The following TSPAN18 variants were observed in gnomAD, a reference collection of about 807,000 sequenced individuals.
TSPAN18 encodes tetraspanin 18, also known as tetraspanin-18.
In TSPAN18, 14 loss-of-function variants were observed where a neutral mutation model predicts 27.3. That is an observed-to-expected ratio of 0.51 (90% CI 0.34 to 0.80). TSPAN18 has a LOEUF of 0.80. TSPAN18 is among the 30% of genes least tolerant of loss of function. TSPAN18 has a pLI of 0.01. For synonymous variants in TSPAN18, 143 were observed against 136.5 expected (o/e 1.05, Z -0.33); for missense variants, 268 against 323.9 (o/e 0.83, Z 1.32).
chr11:44,726,885 T>TGGGGAGGGGAGGGAGGGCG (rs1854516564), upstream of TSPAN18: 1 of 43,742 alleles, frequency 2.3e-5, no homozygotes, highest in East Asian at 5.5e-4. Context: ...GGCGGAGGTT[T>TGGGGAGGGGAGGGAGGGCG]GGGGAGGGGG....
rs149109785 is a variant in TSPAN18, at chr11:44,924,679, G to A, written c.616-1995G>A. On this transcript the variant is annotated intron_variant, in intron 8 of 9. Transcript: ENST00000520358. ...ACAACTCACCTCTCTTTCCTTGCTC[G>A]CAGAGCAGGTTAGTTTTTCTGCTGT... is the stretch of plus-strand genomic sequence containing the variant. 1.5e-4 allele frequency among the ~76,000 whole-genome samples: 23 copies of A among 150,282 alleles called. No individual in the cohort carries two copies. In the South Asian group the frequency reaches 1.9e-3, roughly 12 times the overall value.
intron 3 of TSPAN18, among the ~76,000 whole-genome samples, chr11:44,895,130 T>C (rs911952078): frequency 1.2e-4 from 19 of 152,180 alleles, no homozygotes; most frequent in African/African-American, 4.6e-4. Flanking sequence ...CTAGTAGTTA[T>C]TAGGCTCAGT....
At chr11:44,760,383 G>A (rs953536366) in intron 1 of TSPAN18, among the ~76,000 whole-genome samples, 16 of 152,332 alleles carry the variant, frequency 1.1e-4, no homozygotes, top group African/African-American at 3.8e-4. Context: ...GAGAGTCAAG[G>A]CTGCTTTGGG....
intron 2 of TSPAN18, among the ~76,000 whole-genome samples, chr11:44,775,918 G>A (rs1855796010): frequency 6.6e-6 from 1 of 152,204 alleles, no homozygotes; most frequent in South Asian, 2.1e-4. Flanking sequence ...TGGATTTTCT[G>A]TTTAACTGAG....
chr11:44,767,920 G>A lies in TSPAN18; in HGVS notation c.-153+3408G>A, dbSNP rs923530310. ...CATATATCAGTTGACATATATATGC[G>A]GCTCTATTTCTGGGCTTTCAATTCT... On this transcript the variant is annotated intron_variant, in intron 2 of 9. Coordinates refer to ENST00000520358, the MANE Select transcript of TSPAN18 (RefSeq NM_130783.5). Among the ~76,000 whole-genome samples, 13 of 152,110 alleles carry A rather than the reference G, an allele frequency of 8.5e-5. 1 individual carries two copies. The highest frequency in any genetic ancestry group is 2.6e-4 in the Admixed American group (4 of 15,278).
chr11:44,846,896 C>T (rs1014432318), intron 2 of TSPAN18, among the ~76,000 whole-genome samples: 1 of 152,182 alleles, frequency 6.6e-6, no homozygotes, highest in Non-Finnish European at 1.5e-5. Context: ...AAACCATCAT[C>T]TATTGAATGC....
intron 2 of TSPAN18, among the ~76,000 whole-genome samples, chr11:44,836,101 G>T (rs1466422243): frequency 6.6e-6 from 1 of 152,176 alleles, no homozygotes; most frequent in Non-Finnish European, 1.5e-5. Context: ...GTGAAAGGAG[G>T]AGTCGCATAT....
intron 2 of TSPAN18, among the ~76,000 whole-genome samples, chr11:44,830,141 A>T (rs1007063812): frequency 3.9e-5 from 6 of 152,152 alleles, no homozygotes; most frequent in African/African-American, 1.4e-4. Flanking sequence ...TCTCTTTCTT[A>T]ACTCAGGGGC....
intron 9 of TSPAN18, 48 bp downstream of exon 9, chr11:44,926,805 G>A (rs753787402): frequency 6.6e-5 from 105 of 1,589,914 alleles, no homozygotes; most frequent in Admixed American, 2.2e-4. Context: ...GAAGCCTCAC[G>A]TGGAGCCTAG....
intron 2 of TSPAN18, among the ~76,000 whole-genome samples, chr11:44,804,344 G>A (rs1288098299): frequency 6.6e-6 from 1 of 152,184 alleles, no homozygotes; most frequent in Non-Finnish European, 1.5e-5. Context: ...GCCCACCTCG[G>A]CCTCCCAAAG....
At chr11:44,908,820 A>AAAGAAAGAAAGAAAGAAAGG in intron 4 of TSPAN18, among the ~76,000 whole-genome samples, 1 of 145,366 alleles carries the variant, frequency 6.9e-6, no homozygotes, top group Non-Finnish European at 1.5e-5. Context: ...AGAAAGAAAG[A>AAAGAAAGAAAGAAAGAAAGG]AAGAAAGAAA....
chr11:44,762,037 A>G (rs898324949), intron 1 of TSPAN18, among the ~76,000 whole-genome samples: 14 of 152,330 alleles, frequency 9.2e-5, no homozygotes, highest in African/African-American at 3.1e-4. Context: ...CTGCACTGTG[A>G]GGTGACTCAA....
At chr11:44,764,815 G>A (rs985615994) in intron 2 of TSPAN18, among the ~76,000 whole-genome samples, 1 of 152,140 alleles carries the variant, frequency 6.6e-6, no homozygotes, top group Non-Finnish European at 1.5e-5. Flanking sequence ...AGGGTCATGA[G>A]GGCTCATGGA....
At position 44,781,958 on chromosome 11, in the gene TSPAN18, C is replaced by T. The variant is rs539051212; in HGVS notation, c.-153+17446C>T. On this transcript the variant is annotated intron_variant, in intron 2 of 9. Transcript: ENST00000520358. ...AATCCTACAGTAGGTACTCTCCTGT[C>T]AGTCTCCCTTCACTCAGCTTACTGT... 3.3e-5 allele frequency among the ~76,000 whole-genome samples: 5 copies of T among 152,326 alleles called. No individual in the cohort carries two copies. The East Asian group carries it at 9.6e-4, about 29-fold the overall frequency.
chr11:44,789,281 A>C (rs925431403), intron 2 of TSPAN18, among the ~76,000 whole-genome samples: 1 of 152,222 alleles, frequency 6.6e-6, no homozygotes, highest in African/African-American at 2.4e-5. Flanking sequence ...ACAGCTACCC[A>C]ACGTCAAATC....
chr11:44,919,712 C>A, intron 7 of TSPAN18, 105 bp from the exon 8 acceptor site: 2 of 1,178,974 alleles, frequency 1.7e-6, no homozygotes, highest in Non-Finnish European at 2.5e-6. Context: ...CGCCCACACC[C>A]AGTCTTCTGA....
At chr11:44,733,250 G>C (rs543415570) in intron 1 of TSPAN18, among the ~76,000 whole-genome samples, 2 of 152,210 alleles carry the variant, frequency 1.3e-5, no homozygotes, top group Non-Finnish European at 2.9e-5. Context: ...TGCATTTAAA[G>C]CTTCTAGTAT....
intron 1 of TSPAN18, among the ~76,000 whole-genome samples, chr11:44,754,152 C>A (rs1565134493): frequency 6.6e-6 from 1 of 152,162 alleles, no homozygotes; most frequent in South Asian, 2.1e-4. Context: ...TTGCCTCCTG[C>A]GGACCTTTTC....
intron 2 of TSPAN18, among the ~76,000 whole-genome samples, chr11:44,805,484 C>T (rs7120459): frequency 0.47 from 71,293 of 151,996 alleles, 17,299 homozygotes; most frequent in Non-Finnish European, 0.52. Flanking sequence ...CCAGGAAGCC[C>T]GTGTTCCTCT....
Sources: gnomAD v4.1 joint callset for allele counts (sites outside exome capture counted in the v4.1 genomes callset) on GRCh38, gnomAD v4.1.1 for gene constraint, MANE v1.5 for transcripts, NCBI Gene and HGNC (gene_info 2026-07-23, HGNC 2026-07-21) for gene names.